CTNND2: variants seen among roughly 807,000 people sequenced by gnomAD.
The protein encoded by CTNND2 is catenin delta-2.
In CTNND2, 22 loss-of-function variants were observed where a neutral mutation model predicts 144.4. The observed-to-expected ratio is 0.15, with a 90% CI of 0.11 to 0.22. CTNND2 has a LOEUF of 0.22. CTNND2 is among the 10% of genes least tolerant of loss of function. The pLI, the probability that CTNND2 is intolerant of heterozygous loss-of-function variation, is 1.00. For missense variants in CTNND2, 1,353 were observed against 1,618.8 expected (o/e 0.84, Z 2.82); for synonymous variants, 751 against 695.6 (o/e 1.08, Z -1.25).
intron 1 of CTNND2, among the ~76,000 whole-genome samples, chr5:11,739,015 C>G (rs1787848728): frequency 6.6e-6 from 1 of 152,124 alleles, no homozygotes; most frequent in South Asian, 2.1e-4. Context: ...ACTATAGCAG[C>G]CCCTACCCAC....
chr5:11,709,668 C>T (rs930946360), intron 2 of CTNND2, among the ~76,000 whole-genome samples: 1 of 152,120 alleles, frequency 6.6e-6, no homozygotes, highest in Non-Finnish European at 1.5e-5. Context: ...GAGAGAATTG[C>T]TTCCATCATT....
chr5:11,518,619 T>C (rs866738006), intron 3 of CTNND2, among the ~76,000 whole-genome samples: 1 of 152,318 alleles, frequency 6.6e-6, no homozygotes, highest in South Asian at 2.1e-4. Flanking sequence ...CTTATACAGG[T>C]GTATCTTTTT....
chr5:11,511,659 A>G (rs1002957022), intron 3 of CTNND2, among the ~76,000 whole-genome samples: 1 of 152,128 alleles, frequency 6.6e-6, no homozygotes, highest in Non-Finnish European at 1.5e-5. Context: ...TTTCCCCTTT[A>G]TATGTCAAGC....
intron 16 of CTNND2, among the ~76,000 whole-genome samples, chr5:11,062,832 C>T (rs76025445): frequency 0.2 from 29,725 of 152,248 alleles, 3,436 homozygotes; most frequent in Middle Eastern, 0.29. Context: ...TTCTTTCACA[C>T]GTTCCCTTCT....
intron 20 of CTNND2, among the ~76,000 whole-genome samples, chr5:10,986,991 A>G (rs1045931425): frequency 7.2e-5 from 11 of 152,234 alleles, no homozygotes; most frequent in African/African-American, 2.7e-4. Context: ...AGAGGGTCTC[A>G]GTGTCTGCAC....
intron 1 of CTNND2, among the ~76,000 whole-genome samples, chr5:11,855,749 C>CGT: frequency 6.6e-6 from 1 of 152,152 alleles, no homozygotes; most frequent in East Asian, 1.9e-4. Flanking sequence ...CTGGCAACCT[C>CGT]TCAGATATGT....
intron 1 of CTNND2, among the ~76,000 whole-genome samples, chr5:11,860,651 A>T (rs561176140): frequency 6.6e-6 from 1 of 152,250 alleles, no homozygotes; most frequent in Non-Finnish European, 1.5e-5. Flanking sequence ...TTTACCTTAC[A>T]ACAGATATGT....
At chr5:11,120,982 C>T (rs182043861) in intron 12 of CTNND2, among the ~76,000 whole-genome samples, 1 of 152,272 alleles carries the variant, frequency 6.6e-6, no homozygotes, top group Non-Finnish European at 1.5e-5. Context: ...CTCCGTCTTC[C>T]CCACAGACAC....
intron 12 of CTNND2, among the ~76,000 whole-genome samples, chr5:11,152,614 T>A (rs1481301941): frequency 6.6e-6 from 1 of 152,078 alleles, no homozygotes; most frequent in African/African-American, 2.4e-5. Context: ...GAGGAAGTGA[T>A]CTGGAAATGT....
intron 9 of CTNND2, among the ~76,000 whole-genome samples, chr5:11,244,353 C>T (rs895233561): frequency 1.7e-4 from 24 of 143,020 alleles, no homozygotes; most frequent in Non-Finnish European, 2.2e-4. Context: ...GGCGCAATCT[C>T]GGCTCACTGC....
At chr5:11,247,538 G>A (rs1394137361) in intron 9 of CTNND2, among the ~76,000 whole-genome samples, 1 of 152,164 alleles carries the variant, frequency 6.6e-6, no homozygotes, top group African/African-American at 2.4e-5. Flanking sequence ...AGTGAAGAGA[G>A]AAAACAGTAA....
chr5:11,802,130 A>G (rs992888110), intron 1 of CTNND2, among the ~76,000 whole-genome samples: 4 of 151,944 alleles, frequency 2.6e-5, no homozygotes, highest in Admixed American at 1.3e-4. Context: ...AAAATTAGCC[A>G]TGTGTGGTGG....
chr5:11,800,532 G>A (rs1326488454), intron 1 of CTNND2, among the ~76,000 whole-genome samples: 1 of 152,018 alleles, frequency 6.6e-6, no homozygotes, highest in African/African-American at 2.4e-5. Flanking sequence ...ATTCACCATA[G>A]GTCAGACCTT....
At chr5:11,699,746 T>C (rs982186465) in intron 2 of CTNND2, among the ~76,000 whole-genome samples, 1 of 152,242 alleles carries the variant, frequency 6.6e-6, no homozygotes, top group Non-Finnish European at 1.5e-5. Context: ...ATCCACGGGC[T>C]TCCTTTCAAA....
intron 2 of CTNND2, among the ~76,000 whole-genome samples, chr5:11,666,818 G>A (rs1783590927): frequency 6.6e-6 from 1 of 152,144 alleles, no homozygotes; most frequent in African/African-American, 2.4e-5. Flanking sequence ...TGTGCAGAAT[G>A]TACAGGTTTG....
intron 2 of CTNND2, among the ~76,000 whole-genome samples, chr5:11,631,451 T>A (rs1183097511): frequency 6.6e-6 from 1 of 152,202 alleles, no homozygotes; most frequent in Admixed American, 6.5e-5. Flanking sequence ...ACCAACTTAA[T>A]CTTGGAGGGA....
At chr5:11,407,972 G>C (rs1409975238) in intron 5 of CTNND2, among the ~76,000 whole-genome samples, 1 of 152,120 alleles carries the variant, frequency 6.6e-6, no homozygotes, top group Non-Finnish European at 1.5e-5. Flanking sequence ...TTGGCTTCTG[G>C]TTGGGTTTGG....
intron 6 of CTNND2, among the ~76,000 whole-genome samples, chr5:11,390,462 C>T (rs972739457): frequency 1.3e-5 from 2 of 152,162 alleles, no homozygotes; most frequent in African/African-American, 4.8e-5. Context: ...CAAAACAAAT[C>T]CCCCCAATGC....
intron 2 of CTNND2, among the ~76,000 whole-genome samples, chr5:11,636,803 G>A (rs1781731150): frequency 6.6e-6 from 1 of 152,156 alleles, no homozygotes; most frequent in Non-Finnish European, 1.5e-5. Flanking sequence ...TTGCACACTG[G>A]AGCTGAATGG....
Sources: gnomAD v4.1 joint callset for allele counts (sites outside exome capture counted in the v4.1 genomes callset) on GRCh38, gnomAD v4.1.1 for gene constraint, MANE v1.5 for transcripts, NCBI Gene and HGNC (gene_info 2026-07-23, HGNC 2026-07-21) for gene names.